ZNF26: variants seen among roughly 807,000 people sequenced by gnomAD.
ZNF26 encodes zinc finger protein 26, also known as epididymis luminal protein 179.
ZNF26 carries 32 observed loss-of-function variants against 54.9 expected under a neutral mutation model. That is an observed-to-expected ratio of 0.58 (90% confidence interval 0.44 to 0.78). ZNF26 has a LOEUF of 0.78. Ranked by LOEUF, ZNF26 falls within the 30% of genes least tolerant of loss-of-function variation. The pLI is 0.00. For synonymous variants in ZNF26, 221 were observed against 209.2 expected, an observed-to-expected ratio of 1.06 and a Z score of -0.49; for missense variants, 524 against 634.0, an observed-to-expected ratio of 0.83 and a Z score of 1.86.
At chr12:132,996,066 A>G (rs2137225047) in intron 1 of ZNF26, among the ~76,000 whole-genome samples, 1 of 152,250 alleles carries the variant, frequency 6.6e-6, no homozygotes, top group Non-Finnish European at 1.5e-5. Flanking sequence ...GTACTCTGTT[A>G]CCTGTGTCTT....
rs1484710604 is a variant in ZNF26 at position 133,025,293 on chromosome 12, A to G, written c.*13812A>G. 2.0e-5 allele frequency: 3 copies of G among 152,128 alleles called. No homozygotes were observed. The highest frequency in any genetic ancestry group is 7.2e-5 in the African/African-American group (3 of 41,404). The allele number at this position is 152,128 out of a possible 1,614,324, so 9.4% of individuals were successfully genotyped here. On this transcript the variant is annotated 3_prime_UTR_variant, in exon 4 of 4. Coordinates refer to ENST00000328654, the MANE Select transcript of ZNF26 (RefSeq NM_019591.4). ...GTAAGATGAAAATAACTTGTCTCAT[A>G]TTTCACAGGCATTCAGATTGGGAGA...
At chr12:133,006,852 G>A (rs1234960244) in intron 1 of ZNF26, 190 bp from the exon 2 acceptor site, 21 of 660,158 alleles carry the variant, frequency 3.2e-5, no homozygotes, top group East Asian at 5.7e-5. Flanking sequence ...CTTGGCCTCC[G>A]AAAGTGCTGG....
In ZNF26 at chr12:133,010,373, A is replaced by G. The variant is rs2137260163; in HGVS notation, c.494A>G (p.Gln165Arg). 1 of 1,614,044 alleles carries G rather than the reference A, an allele frequency of 6.2e-7. No homozygotes were observed. Among genetic ancestry groups the G allele is most frequent in the Non-Finnish European group, 8.5e-7 (1 of 1,180,008 alleles). ...GYEEPYFLKH[Q>R]RAHSIEKNCV... is the part of the protein sequence containing the mutation. ...GAAGAACCATATTTTCTTAAGCATC[A>G]AAGAGCTCATAGCATAGAAAAAAAC... Residue 165 changes from glutamine (Q) to arginine (R), a missense_variant, in exon 4 of 4, where the codon CAA (glutamine) becomes CGA (arginine). Physicochemically the swap from Gln to Arg is conservative, Grantham distance 43 (BLOSUM62 1). Coordinates refer to ENST00000328654, the MANE Select transcript of ZNF26 (RefSeq NM_019591.4).
At chr12:133,008,152 C>T (rs920225122) in intron 3 of ZNF26, among the ~76,000 whole-genome samples, 1 of 152,200 alleles carries the variant, frequency 6.6e-6, no homozygotes, top group African/African-American at 2.4e-5. Context: ...CTCTTTGGCA[C>T]TTGAGTCCTG....
intron 1 of ZNF26, among the ~76,000 whole-genome samples, chr12:132,989,405 C>T (rs1267647607): frequency 6.6e-6 from 1 of 152,110 alleles, no homozygotes; most frequent in Non-Finnish European, 1.5e-5. Flanking sequence ...CCTTCACAGT[C>T]ATTATACATT....
chr12:132,993,499 A>T (rs1953009265), intron 1 of ZNF26, among the ~76,000 whole-genome samples: 1 of 151,308 alleles, frequency 6.6e-6, no homozygotes, highest in African/African-American at 2.4e-5. Flanking sequence ...GATGGAGTCC[A>T]GGCTGGAGTG....
chr12:132,988,410 T>A (rs10781668), intron 1 of ZNF26, among the ~76,000 whole-genome samples: 73,178 of 145,430 alleles, frequency 0.5, 18,796 homozygotes, highest in East Asian at 0.76. Flanking sequence ...TAATTAAAAA[T>A]TTTTTTTTTT....
chr12:133,024,544 G>A lies in ZNF26; in HGVS notation c.*13063G>A, dbSNP rs1464977741. 2.0e-5 allele frequency: 3 copies of A among 152,176 alleles called. No individual in the cohort carries two copies. The highest frequency in any genetic ancestry group is 7.2e-5 in the African/African-American group (3 of 41,450). 9.4% of individuals were successfully genotyped at this position (152,176 alleles called of 1,614,324 possible). On this transcript the variant is annotated 3_prime_UTR_variant, in exon 4 of 4. Transcript: ENST00000328654. ...AATGAACCATTCCATGGAGGAAATG[G>A]TAAACAGTCTTTTCAGCTTGTAAAG...
Position 133,019,500 on chromosome 12 carries a change from A to G in ZNF26, c.*8019A>G, listed in dbSNP as rs1366334576. The G allele has an allele frequency of 1.1e-4, 17 of 152,212 alleles. No homozygotes were observed. Among genetic ancestry groups the G allele is most frequent in the African/African-American group, 4.1e-4 (17 of 41,462 alleles). The allele number at this position is 152,212 out of a possible 1,614,324, so 9.4% of individuals were successfully genotyped here. ...TATCACCACTTATCAGAGAAATGCAAATTAACCACAATCAGATATCATCCC... is the reference window on the plus strand; with the variant it reads ...TATCACCACTTATCAGAGAAATGCAGATTAACCACAATCAGATATCATCCC... On this transcript the variant is annotated 3_prime_UTR_variant, in exon 4 of 4. Coordinates refer to ENST00000328654, the MANE Select transcript of ZNF26 (RefSeq NM_019591.4).
intron 1 of ZNF26, among the ~76,000 whole-genome samples, chr12:132,994,088 C>T (rs924443289): frequency 6.6e-6 from 1 of 152,162 alleles, no homozygotes. Context: ...TGGTTGAGCT[C>T]CTGAAAGTAA....
chr12:133,003,334 A>C (rs1953259920), intron 1 of ZNF26, among the ~76,000 whole-genome samples: 1 of 149,008 alleles, frequency 6.7e-6, no homozygotes, highest in African/African-American at 2.5e-5. Context: ...GGCACACTGC[A>C]AGCTCTGCCT....
At chr12:133,008,547 C>T (rs112454927) in intron 3 of ZNF26, among the ~76,000 whole-genome samples, 2,640 of 152,132 alleles carry the variant, frequency 0.017, 25 homozygotes, top group South Asian at 0.038. Flanking sequence ...GAGGCCGAGG[C>T]GGGTGGATCA....
chr12:133,003,146 A>G (rs1361324300), intron 1 of ZNF26, among the ~76,000 whole-genome samples: 3 of 151,836 alleles, frequency 2.0e-5, no homozygotes, highest in Admixed American at 6.6e-5. Context: ...GCATCAGCTT[A>G]CCTCTGGGAG....
intron 3 of ZNF26, among the ~76,000 whole-genome samples, chr12:133,008,919 G>A (rs757731698): frequency 1.3e-3 from 191 of 152,230 alleles, no homozygotes; most frequent in Middle Eastern, 3.4e-3. Flanking sequence ...GGTCATAGTG[G>A]AAGGCAAAGG....
chr12:133,003,533 A>C (rs972983948), intron 1 of ZNF26, among the ~76,000 whole-genome samples: 3 of 152,112 alleles, frequency 2.0e-5, no homozygotes, highest in African/African-American at 7.2e-5. Context: ...GATTACAGGC[A>C]TGAGCCACCG....
Position 133,001,892 on chromosome 12 carries a change from T to G in ZNF26, c.34-5150T>G, listed in dbSNP as rs1953226626. On this transcript the variant is annotated intron_variant, in intron 1 of 3. Coordinates refer to ENST00000328654, the MANE Select transcript of ZNF26 (RefSeq NM_019591.4). This position sits in a 1 kb window ranked among gnomAD's most constrained non-coding sequence, Gnocchi z 4.7. The stretch of plus-strand genomic sequence containing the variant: ...CTTAAATTCTTAAGTACATGTCAGT[T>G]CCTTCTGAAAATTACCCAGATTTAG... Among the ~76,000 whole-genome samples, 1 of 152,156 alleles carries G rather than the reference T, an allele frequency of 6.6e-6. No individual in the cohort carries two copies. The highest frequency in any genetic ancestry group is 1.5e-5 in the Non-Finnish European group (1 of 68,042).
chr12:133,006,835 C>T (rs1187652878), intron 1 of ZNF26: 3 of 551,998 alleles, frequency 5.4e-6, no homozygotes, highest in Non-Finnish European at 9.7e-6. Flanking sequence ...CCTTGTGATC[C>T]ACCCGCCTTG....
rs1018489804 is a variant in ZNF26 at position 133,023,779 on chromosome 12, T to C, written c.*12298T>C. 6.6e-6 allele frequency: 1 copy of C among 152,240 alleles called. No homozygotes were observed. Among genetic ancestry groups the C allele is most frequent in the Non-Finnish European group, 1.5e-5 (1 of 68,042 alleles). The allele number at this position is 152,240 out of a possible 1,614,324, so 9.4% of individuals were successfully genotyped here. On this transcript the variant is annotated 3_prime_UTR_variant, in exon 4 of 4. Coordinates refer to ENST00000328654, the MANE Select transcript of ZNF26 (RefSeq NM_019591.4). Reference sequence around the variant, plus strand: ...CAAAAGAATGTGGAGGAAGTGATCATGTAACTTCGCAGGATATAAAAAGCC... The same window carrying C: ...CAAAAGAATGTGGAGGAAGTGATCACGTAACTTCGCAGGATATAAAAAGCC...
At chr12:132,995,650 T>C (rs963034066) in intron 1 of ZNF26, among the ~76,000 whole-genome samples, 3 of 152,090 alleles carry the variant, frequency 2.0e-5, no homozygotes, top group Non-Finnish European at 2.9e-5. Flanking sequence ...AGACTGAAGT[T>C]TACTGTTGTG....
Sources: allele counts gnomAD v4.1 joint callset (sites outside exome capture counted in the v4.1 genomes callset), GRCh38; gene constraint gnomAD v4.1.1; non-coding constraint Gnocchi (gnomAD v3.1); transcripts MANE v1.5; gene names NCBI Gene and HGNC (gene_info 2026-07-23, HGNC 2026-07-21).